IFT43: variants seen among roughly 807,000 people sequenced by gnomAD.
IFT43 encodes the protein intraflagellar transport 43, also known as intraflagellar transport protein 43 homolog.
A neutral mutation model predicts 32.3 loss-of-function variants in IFT43; 33 were observed. The observed-to-expected ratio is 1.02, with a 90% CI of 0.77 to 1.37. The LOEUF (loss-of-function observed/expected upper bound fraction) is 1.37, where lower values mean the gene tolerates loss of function less well. IFT43 is among the 40% of genes most tolerant of loss of function. IFT43 has a pLI of 0.00. For missense variants in IFT43, 274 were observed against 265.9 expected (o/e 1.03, Z -0.21); for synonymous variants, 93 against 98.2 (o/e 0.95, Z 0.31).
At chr14:76,068,016 T>TG (rs940610091) in intron 5 of IFT43, among the ~76,000 whole-genome samples, 2 of 152,126 alleles carry the variant, frequency 1.3e-5, no homozygotes, top group African/African-American at 4.8e-5. Flanking sequence ...AGAACTTTGT[T>TG]GGGGGGACAA....
At chr14:76,064,106 T>A (rs182828411) in intron 5 of IFT43, among the ~76,000 whole-genome samples, 1 of 152,196 alleles carries the variant, frequency 6.6e-6, no homozygotes, top group Non-Finnish European at 1.5e-5. Context: ...CATACTCTCA[T>A]CATTCTCCAG....
At chr14:75,996,338 C>G (rs558632628) in intron 2 of IFT43, among the ~76,000 whole-genome samples, 1 of 152,198 alleles carries the variant, frequency 6.6e-6, no homozygotes, top group Non-Finnish European at 1.5e-5. Flanking sequence ...GTTTCCTCAT[C>G]TGTTGAATGG....
intron 3 of IFT43, among the ~76,000 whole-genome samples, chr14:76,051,481 T>C (rs1329839387): frequency 6.6e-6 from 1 of 152,066 alleles, no homozygotes; most frequent in African/African-American, 2.4e-5. Flanking sequence ...ATTTCTCCTT[T>C]CCTCACATTT....
intron 1 of IFT43, 60 bp downstream of exon 1, chr14:75,985,900 C>T: frequency 2.5e-6 from 4 of 1,591,670 alleles, no homozygotes; most frequent in South Asian, 1.1e-5. Context: ...GGAGCGACCC[C>T]GCCGGCCCCG....
At chr14:76,001,055 C>A (rs951145816) in intron 2 of IFT43, among the ~76,000 whole-genome samples, 1 of 152,116 alleles carries the variant, frequency 6.6e-6, no homozygotes, top group Non-Finnish European at 1.5e-5. Context: ...AGCATGAACT[C>A]CCGATTCCTT....
At chr14:76,045,361 A>G (rs970240501) in intron 3 of IFT43, among the ~76,000 whole-genome samples, 12 of 152,216 alleles carry the variant, frequency 7.9e-5, no homozygotes, top group Admixed American at 4.6e-4. Flanking sequence ...GAAACCATAT[A>G]TGAAGGTTAA....
intron 5 of IFT43, among the ~76,000 whole-genome samples, chr14:76,062,227 C>T (rs61979199): frequency 0.33 from 49,850 of 151,472 alleles, 9,600 homozygotes; most frequent in East Asian, 0.42. Context: ...CCTGCCACCA[C>T]GCCCAGCTAA....
At chr14:76,066,532 T>G (rs2037227146) in intron 5 of IFT43, among the ~76,000 whole-genome samples, 1 of 152,264 alleles carries the variant, frequency 6.6e-6, no homozygotes, top group African/African-American at 2.4e-5. Context: ...TAGAATTATC[T>G]TTGCTCAGAG....
At chr14:76,014,108 T>C in intron 2 of IFT43, 1 of 282,624 alleles carries the variant, frequency 3.5e-6, no homozygotes, top group Non-Finnish European at 7.2e-6. Flanking sequence ...GCTAAAGAGT[T>C]TACAAAGAAA....
intron 1 of IFT43, among the ~76,000 whole-genome samples, chr14:75,987,868 A>G (rs958461897): frequency 1.3e-5 from 2 of 152,182 alleles, no homozygotes; most frequent in Non-Finnish European, 2.9e-5. Context: ...CTTGTACTAG[A>G]TTTCCCTTAA....
intron 3 of IFT43, among the ~76,000 whole-genome samples, chr14:76,047,053 C>T (rs558594615): frequency 6.6e-6 from 1 of 152,350 alleles, no homozygotes; most frequent in African/African-American, 2.4e-5. Flanking sequence ...TAGCTACCCA[C>T]CAGCCCTTCG....
rs985747054 is a variant in IFT43 at position 76,082,565 on chromosome 14, C to A, written c.369-52C>A. The A allele has an allele frequency of 6.2e-6, 10 of 1,610,556 alleles. No individual in the cohort carries two copies. The East Asian group carries it at 8.9e-5, about 14-fold the overall frequency. ...TGGGGACGGTGGCCCGGCAGCACTCCTGGAACAGGTCCTGCCTGGGGTTCC... is the reference window on the plus strand; with the variant it reads ...TGGGGACGGTGGCCCGGCAGCACTCATGGAACAGGTCCTGCCTGGGGTTCC... On this transcript the variant is annotated intron_variant, in intron 6 of 8. Transcript: ENST00000314067.
At chr14:76,084,018 T>A (rs1408042847), downstream of IFT43, 1 of 455,366 alleles carries the variant, frequency 2.2e-6, no homozygotes, top group Non-Finnish European at 4.4e-6. Context: ...CACTGCCACC[T>A]GCATCATAGG....
intron 3 of IFT43, among the ~76,000 whole-genome samples, chr14:76,031,800 G>C (rs2036513409): frequency 6.6e-6 from 1 of 152,070 alleles, no homozygotes; most frequent in Admixed American, 6.5e-5. Flanking sequence ...CTGTGGCCTG[G>C]TTCTGACCCC....
At position 76,046,271 on chromosome 14, in the gene IFT43, C is replaced by A. The variant is rs147966083; in HGVS notation, c.216-12371C>A. Among the ~76,000 whole-genome samples the A allele has an allele frequency of 4.6e-5, 7 of 152,210 alleles. No individual in the cohort carries two copies. The East Asian group carries it at 1.4e-3, about 29-fold the overall frequency. ...TTAATTGTGTTGTGGAAAGCAGTGG[C>A]CAGCTGGTGCGGAGGCTTTGTGAGC... On this transcript the variant is annotated intron_variant, in intron 3 of 8. Coordinates refer to ENST00000314067, the MANE Select transcript of IFT43 (RefSeq NM_001102564.3).
At chr14:76,017,607 G>A (rs1223304430) in intron 2 of IFT43, among the ~76,000 whole-genome samples, 1 of 151,962 alleles carries the variant, frequency 6.6e-6, no homozygotes, top group Non-Finnish European at 1.5e-5. Context: ...TTCAATTTTT[G>A]GGAATAGACT....
intron 1 of IFT43, chr14:75,986,315 C>T (rs1428547235): frequency 1.6e-6 from 2 of 1,236,516 alleles, no homozygotes; most frequent in African/African-American, 1.6e-5. Context: ...CCCGGTAATC[C>T]CCGTGGGGAG....
intron 2 of IFT43, among the ~76,000 whole-genome samples, chr14:76,011,313 G>A (rs2036080951): frequency 6.6e-6 from 1 of 152,104 alleles, no homozygotes; most frequent in South Asian, 2.1e-4. Context: ...TCTTCCAAGT[G>A]TCATTTTACT....
At chr14:76,006,142 A>T (rs1330037157) in intron 2 of IFT43, among the ~76,000 whole-genome samples, 1 of 152,182 alleles carries the variant, frequency 6.6e-6, no homozygotes, top group East Asian at 1.9e-4. Context: ...AAACATGGGT[A>T]TGAAAGAGGC....
Sources: gnomAD v4.1 joint callset for allele counts (sites outside exome capture counted in the v4.1 genomes callset) on GRCh38, gnomAD v4.1.1 for gene constraint, MANE v1.5 for transcripts, NCBI Gene and HGNC (gene_info 2026-07-23, HGNC 2026-07-21) for gene names.